The following SGCD variants were observed in gnomAD, a reference collection of about 807,000 sequenced individuals.
The protein encoded by SGCD is sarcoglycan delta, also known as delta-sarcoglycan.
Under a neutral mutation model 36.6 loss-of-function variants are expected in SGCD, and 18 were observed. The ratio of observed to expected loss-of-function variants is 0.49; its 90% CI spans 0.34 to 0.73. The LOEUF is 0.73. Ranked by LOEUF, SGCD falls within the 30% of genes least tolerant of loss-of-function variation. The probability of loss-of-function intolerance (pLI) is 0.01; values close to 1 mark genes in which losing one functional copy is unlikely to be tolerated. For missense variants in SGCD, 387 were observed against 346.7 expected, an observed-to-expected ratio of 1.12 and a Z score of -0.92; for synonymous variants, 133 against 130.6, an observed-to-expected ratio of 1.02 and a Z score of -0.12.
intron 3 of SGCD, among the ~76,000 whole-genome samples, chr5:156,495,339 G>A (rs1254376056): frequency 6.6e-6 from 1 of 152,146 alleles, no homozygotes; most frequent in East Asian, 1.9e-4. Context: ...AAATTAATAG[G>A]TAAGACAGCG....
chr5:155,824,689 G>A, the SGCD span, among the ~76,000 whole-genome samples: 7 of 152,114 alleles, frequency 4.6e-5, no homozygotes, highest in Non-Finnish European at 8.8e-5. Flanking sequence ...CCTGATTGGC[G>A]AGTGGTTAAG....
intron 1 of SGCD, among the ~76,000 whole-genome samples, chr5:155,975,960 T>C (rs1356510456): frequency 1.3e-5 from 2 of 152,152 alleles, no homozygotes; most frequent in Non-Finnish European, 2.9e-5. Flanking sequence ...GTTTATGTTA[T>C]AGATTCTAGT....
the SGCD span, among the ~76,000 whole-genome samples, chr5:155,814,051 C>T: frequency 1.3e-5 from 2 of 152,142 alleles, no homozygotes; most frequent in African/African-American, 4.8e-5. Context: ...GAATGGGCAC[C>T]TACATGGCTA....
intron 7 of SGCD, among the ~76,000 whole-genome samples, chr5:156,650,090 G>A (rs139095638): frequency 2.6e-4 from 40 of 152,178 alleles, no homozygotes; most frequent in Middle Eastern, 6.8e-3. Context: ...GAGATGCATA[G>A]CCTGAAGAAC....
chr5:156,126,539 G>A (rs965569470), intron 3 of SGCD, among the ~76,000 whole-genome samples: 5 of 152,130 alleles, frequency 3.3e-5, no homozygotes, highest in Non-Finnish European at 7.3e-5. Flanking sequence ...CTGTTCAGCT[G>A]TAGTATATAT....
intron 3 of SGCD, among the ~76,000 whole-genome samples, chr5:156,461,869 C>T (rs1238962422): frequency 6.6e-6 from 1 of 152,138 alleles, no homozygotes; most frequent in African/African-American, 2.4e-5. Context: ...ATAAATTCTG[C>T]ATTGCCTCTA....
At chr5:156,329,485 G>T in intron 1 of SGCD, 49 bp from the exon 2 acceptor site, 1 of 1,283,820 alleles carries the variant, frequency 7.8e-7, no homozygotes, top group Non-Finnish European at 1.1e-6. Context: ...AGGCAAGGAG[G>T]GGGCAGGCTC....
chr5:155,928,822 A>C (rs1167182437), intron 1 of SGCD, among the ~76,000 whole-genome samples: 1 of 152,154 alleles, frequency 6.6e-6, no homozygotes, highest in African/African-American at 2.4e-5. Context: ...AGGACAAATA[A>C]ATTAAGCATA....
chr5:156,725,472 G>A (rs1200529378), intron 7 of SGCD, among the ~76,000 whole-genome samples: 1 of 152,210 alleles, frequency 6.6e-6, no homozygotes. Flanking sequence ...TGTATGAGGA[G>A]GAAACAGGAA....
At chr5:155,796,806 C>CAAAAAAAAAAAAAAAAAAAAAA in the SGCD span, among the ~76,000 whole-genome samples, 34 of 51,320 alleles carry the variant, frequency 6.6e-4, no homozygotes, top group Middle Eastern at 0.015. Flanking sequence ...AACTCCATCT[C>CAAAAAAAAAAAAAAAAAAAAAA]AAAAAAAAAA....
chr5:156,207,129 G>C (rs762706705), intron 3 of SGCD, among the ~76,000 whole-genome samples: 2 of 152,046 alleles, frequency 1.3e-5, no homozygotes, highest in African/African-American at 4.8e-5. Flanking sequence ...GGAGATTTTA[G>C]ATCTCACTAT....
intron 1 of SGCD, among the ~76,000 whole-genome samples, chr5:155,895,803 G>A (rs1213745973): frequency 6.6e-6 from 1 of 152,176 alleles, no homozygotes; most frequent in Non-Finnish European, 1.5e-5. Flanking sequence ...CAAAGCAGGA[G>A]CACATTGCAA....
At chr5:155,998,233 A>G (rs763085404) in intron 1 of SGCD, among the ~76,000 whole-genome samples, 4 of 152,222 alleles carry the variant, frequency 2.6e-5, no homozygotes, top group Non-Finnish European at 5.9e-5. Context: ...CCATCTTAAA[A>G]TAATAATAGG....
chr5:155,883,340 T>G (rs1008786396), intron 1 of SGCD, among the ~76,000 whole-genome samples: 2 of 152,216 alleles, frequency 1.3e-5, no homozygotes, highest in African/African-American at 4.8e-5. Flanking sequence ...AGAGGCCCAG[T>G]TTTTGGCCCA....
chr5:156,340,878 A>G (rs1448768184), intron 2 of SGCD, among the ~76,000 whole-genome samples: 2 of 152,210 alleles, frequency 1.3e-5, no homozygotes, highest in Non-Finnish European at 2.9e-5. Context: ...AAATGAACGT[A>G]CTCAGCATAT....
chr5:156,483,145 A>G (rs760770558), intron 3 of SGCD, among the ~76,000 whole-genome samples: 19 of 152,168 alleles, frequency 1.2e-4, no homozygotes, highest in Non-Finnish European at 2.6e-4. Flanking sequence ...CCTTCTGGGC[A>G]GAGGGAGTAG....
chr5:156,033,119 A>G (rs1019504951), intron 1 of SGCD, among the ~76,000 whole-genome samples: 3 of 151,328 alleles, frequency 2.0e-5, no homozygotes, highest in Non-Finnish European at 2.9e-5. Flanking sequence ...TAAAAAAACA[A>G]AAAAAAAGAA....
intron 6 of SGCD, among the ~76,000 whole-genome samples, chr5:156,607,848 A>G (rs1475463001): frequency 2.0e-5 from 3 of 152,236 alleles, no homozygotes; most frequent in South Asian, 4.1e-4. Context: ...TGTTTATATT[A>G]TTCTCTGATG....
intron 3 of SGCD, among the ~76,000 whole-genome samples, chr5:156,315,459 G>T (rs1321632819): frequency 6.6e-6 from 1 of 151,834 alleles, no homozygotes; most frequent in Non-Finnish European, 1.5e-5. Flanking sequence ...ACCACTCATT[G>T]GTTGATGGAT....
Sources: gnomAD v4.1 joint callset for allele counts (sites outside exome capture counted in the v4.1 genomes callset) on GRCh38, gnomAD v4.1.1 for gene constraint, MANE v1.5 for transcripts, NCBI Gene and HGNC (gene_info 2026-07-23, HGNC 2026-07-21) for gene names.